NCAPG2: variants seen among roughly 807,000 people sequenced by gnomAD.
NCAPG2 encodes non-SMC condensin II complex subunit G2.
A neutral mutation model predicts 141.1 loss-of-function variants in NCAPG2; 53 were observed. The observed-to-expected ratio is 0.38, with a 90% CI of 0.30 to 0.47. NCAPG2 has a LOEUF of 0.47. NCAPG2 is among the 20% of genes least tolerant of loss of function. NCAPG2 has a pLI of 0.99. For missense variants in NCAPG2, 1,087 were observed against 1,389.0 expected (o/e 0.78, Z 3.46); for synonymous variants, 499 against 490.7 (o/e 1.02, Z -0.22).
chr7:158,694,022 C>G (rs891903441), intron 2 of NCAPG2, among the ~76,000 whole-genome samples: 5 of 152,112 alleles, frequency 3.3e-5, no homozygotes, highest in African/African-American at 1.2e-4. Context: ...GCATAGAATC[C>G]AATTAAAGGG....
Position 158,664,737 on chromosome 7 carries a change from C to T in NCAPG2, c.1493G>A (p.Cys498Tyr), listed in dbSNP as rs1832789202. ...AVRAAKFWKICPMEHILVRLE... is the reference protein window; with the variant it reads ...AVRAAKFWKIYPMEHILVRLE... The stretch of plus-strand genomic sequence containing the variant: ...ACGAACCAGAATGTGCTCCATGGGA[C>T]ATATTTTCCAAAACTGTGCAAAAAG... Residue 498 changes from cysteine (C) to tyrosine (Y), a missense_variant, in exon 14 of 28, where the codon TGT (cysteine) becomes TAT (tyrosine). Cys to Tyr is a radical substitution (Grantham distance 194). Coordinates refer to ENST00000356309, the MANE Select transcript of NCAPG2 (RefSeq NM_017760.7). 1.2e-6 allele frequency: 2 copies of T among 1,613,820 alleles called. No individual in the cohort carries two copies. The highest frequency in any genetic ancestry group is 2.2e-5 in the East Asian group (1 of 44,852).
At position 158,664,216 on chromosome 7, in the gene NCAPG2, C is replaced by T; in HGVS notation, c.1783G>A (p.Glu595Lys). 1.2e-6 allele frequency: 2 copies of T among 1,613,326 alleles called. No homozygotes were observed. Among genetic ancestry groups the T allele is most frequent in the South Asian group, 1.1e-5 (1 of 91,052 alleles). ...TTCTCCTTCTCCCTTCCGTCCTCTT[C>T]CTCCTCGTCCTCTGGAGGCTCTCTC... ...AVREPPEDEE[E>K]EDGREKENVT... is the part of the protein sequence containing the mutation. Residue 595 changes from glutamate to lysine, a missense_variant, in exon 15 of 28, where the codon GAA becomes AAA. Glu to Lys is a moderately conservative substitution (Grantham distance 56). Transcript: ENST00000356309.
In NCAPG2 at chr7:158,670,508, C is replaced by G. The variant is rs192629849; in HGVS notation, c.1479+1006G>C. On this transcript the variant is annotated intron_variant, in intron 13 of 27. Transcript: ENST00000356309. ...TTGAGGTTGCAGTGAACCAAGATCA[C>G]ACCCCAGCACTCTAGCCTGGGCATC... Among the ~76,000 whole-genome samples, 241 of 152,328 alleles carry G rather than the reference C, an allele frequency of 1.6e-3. 1 individual carries two copies. The Middle Eastern group carries it at 0.017, about 11-fold the overall frequency.
At chr7:158,653,577 A>G (rs1831663405) in intron 22 of NCAPG2, among the ~76,000 whole-genome samples, 1 of 152,158 alleles carries the variant, frequency 6.6e-6, no homozygotes, top group Non-Finnish European at 1.5e-5. Flanking sequence ...AACGTCATGA[A>G]GACAGATACA....
At chr7:158,644,148 C>A in intron 27 of NCAPG2, 141 bp downstream of exon 27, 1 of 611,456 alleles carries the variant, frequency 1.6e-6, no homozygotes, top group Non-Finnish European at 2.8e-6. Context: ...TCTTTGCCAA[C>A]AGAAACATTT....
At chr7:158,665,254 T>C (rs950854321) in intron 13 of NCAPG2, 1 of 158,166 alleles carries the variant, frequency 6.3e-6, no homozygotes, top group Admixed American at 6.1e-5. Context: ...CAGATCATCA[T>C]GGACGCCCAC....
intron 2 of NCAPG2, among the ~76,000 whole-genome samples, chr7:158,697,556 A>T (rs1026048354): frequency 6.6e-6 from 1 of 151,754 alleles, no homozygotes; most frequent in South Asian, 2.1e-4. Flanking sequence ...AGCCAAGACG[A>T]CGCCACTGCA....
intron 22 of NCAPG2, among the ~76,000 whole-genome samples, chr7:158,653,663 GA>G (rs1289408237): frequency 6.6e-6 from 1 of 152,176 alleles, no homozygotes; most frequent in East Asian, 1.9e-4. Flanking sequence ...AGAGACTACA[GA>G]TGGATCCACT....
At chr7:158,691,271 T>C (rs1835101586) in intron 4 of NCAPG2, among the ~76,000 whole-genome samples, 1 of 152,250 alleles carries the variant, frequency 6.6e-6, no homozygotes, top group African/African-American at 2.4e-5. Context: ...TGTAGGTATC[T>C]GAATGTCATT....
In NCAPG2 at chr7:158,656,244, C is replaced by A; in HGVS notation, c.2388+16G>T. ...CAATCATAGGAAACCACTCAACTCT[C>A]AGGGCACAGAGTTACCTTTGACGTT... On this transcript the variant is annotated intron_variant, in intron 19 of 27. Coordinates refer to ENST00000356309, the MANE Select transcript of NCAPG2 (RefSeq NM_017760.7). 6.2e-7 allele frequency: 1 copy of A among 1,611,526 alleles called. No homozygotes were observed. The highest frequency in any genetic ancestry group is 8.5e-7 in the Non-Finnish European group (1 of 1,178,800).
intron 23 of NCAPG2, among the ~76,000 whole-genome samples, chr7:158,651,745 A>C (rs1186598174): frequency 6.6e-6 from 1 of 152,192 alleles, no homozygotes; most frequent in Non-Finnish European, 1.5e-5. Flanking sequence ...CAGCAAAGGG[A>C]AGCCACGGGC....
rs1336968882 is a variant in NCAPG2 at position 158,633,367 on chromosome 7, T to C, written c.3381-1650A>G. Among the ~76,000 whole-genome samples, 1 of 152,244 alleles carries C rather than the reference T, an allele frequency of 6.6e-6. No individual in the cohort carries two copies. The highest frequency in any genetic ancestry group is 1.5e-5 in the Non-Finnish European group (1 of 68,040). ...CTAGACTGTCCTTTCGGGGTTACAG[T>C]TGACTCTTCTTCAAAGACTCTTATT... On this transcript the variant is annotated intron_variant, in intron 27 of 27. Coordinates refer to ENST00000356309, the MANE Select transcript of NCAPG2 (RefSeq NM_017760.7). This position sits in a 1 kb window ranked among gnomAD's most constrained non-coding sequence, Gnocchi z 4.1.
intron 27 of NCAPG2, chr7:158,641,562 A>AG: frequency 8.7e-6 from 5 of 574,040 alleles, no homozygotes; most frequent in Non-Finnish European, 9.2e-6. Context: ...TATCTTGGAA[A>AG]AAAAAAAAAA....
chr7:158,689,980 C>G, intron 5 of NCAPG2, 27 bp from the exon 6 acceptor site: 1 of 1,478,506 alleles, frequency 6.8e-7, no homozygotes, highest in Admixed American at 2.5e-5. Flanking sequence ...AAATGTGATA[C>G]CTTTTTCAAT....
chr7:158,693,285 T>C (rs973793873), intron 3 of NCAPG2, 24 bp downstream of exon 3: 2 of 1,586,404 alleles, frequency 1.3e-6, no homozygotes, highest in African/African-American at 1.4e-5. Context: ...AAAACGTTTC[T>C]TATTTTTGAA....
At chr7:158,637,170 A>G (rs1037956328) in intron 27 of NCAPG2, among the ~76,000 whole-genome samples, 4 of 152,092 alleles carry the variant, frequency 2.6e-5, no homozygotes, top group Non-Finnish European at 4.4e-5. Context: ...GATGGTCTCG[A>G]TCTCCTGACC....
chr7:158,639,621 A>G (rs1444628473), intron 27 of NCAPG2, among the ~76,000 whole-genome samples: 1 of 152,204 alleles, frequency 6.6e-6, no homozygotes, highest in East Asian at 1.9e-4. Flanking sequence ...AGACCCAACT[A>G]CTAACATAGA....
rs1233620167 is a variant in NCAPG2, at chr7:158,660,399, TTC to T, written c.1989+1793_1989+1794del. 1.5e-4 allele frequency among the ~76,000 whole-genome samples: 21 copies of T among 138,022 alleles called. No homozygotes were observed. The South Asian group carries it at 2.1e-3, about 14-fold the overall frequency. The allele number at this position is 138,022 out of a possible 152,430, so 90.5% of individuals were successfully genotyped here. ...TCAGTCCCAGGTCATTATTTCAGCTTTCTTTTTTTTTTTTTTTTTTTTTTTTT... is the reference window on the plus strand; with the variant it reads ...TCAGTCCCAGGTCATTATTTCAGCTTTTTTTTTTTTTTTTTTTTTTTTTTT... On this transcript the variant is annotated intron_variant, in intron 16 of 27. Coordinates refer to ENST00000356309, the MANE Select transcript of NCAPG2 (RefSeq NM_017760.7).
At chr7:158,666,182 A>T (rs570197726) in intron 13 of NCAPG2, among the ~76,000 whole-genome samples, 2 of 152,202 alleles carry the variant, frequency 1.3e-5, no homozygotes, top group Non-Finnish European at 2.9e-5. Flanking sequence ...ACGGTTTAAG[A>T]GGACAAGAAA....
Sources: gnomAD v4.1 joint callset for allele counts (sites outside exome capture counted in the v4.1 genomes callset) on GRCh38, gnomAD v4.1.1 for gene constraint, Gnocchi (gnomAD v3.1) non-coding constraint, MANE v1.5 for transcripts, NCBI Gene and HGNC (gene_info 2026-07-23, HGNC 2026-07-21) for gene names.